PIK3AP1: variants seen among roughly 807,000 people sequenced by gnomAD.
PIK3AP1 encodes the protein phosphoinositide 3-kinase adapter protein 1.
In PIK3AP1, 21 loss-of-function variants were observed where a neutral mutation model predicts 88.1. The ratio of observed to expected loss-of-function variants is 0.24; its 90% CI spans 0.17 to 0.34. The LOEUF (loss-of-function observed/expected upper bound fraction) is 0.34, where lower values mean the gene tolerates loss of function less well. PIK3AP1 is among the 10% of genes least tolerant of loss of function. The probability of loss-of-function intolerance (pLI) is 1.00; values close to 1 mark genes in which losing one functional copy is unlikely to be tolerated. For synonymous variants in PIK3AP1, 398 were observed against 400.0 expected (o/e 1.00, Z 0.06); for missense variants, 828 against 1,035.7 (o/e 0.80, Z 2.75).
intron 16 of PIK3AP1, among the ~76,000 whole-genome samples, chr10:96,601,802 T>A (rs537263295): frequency 6.6e-6 from 1 of 152,356 alleles, no homozygotes; most frequent in South Asian, 2.1e-4. Context: ...TTTAAAGTAT[T>A]TGCAACTAAA....
intron 1 of PIK3AP1, among the ~76,000 whole-genome samples, chr10:96,719,317 C>T (rs1306294979): frequency 1.3e-5 from 2 of 152,148 alleles, no homozygotes; most frequent in African/African-American, 2.4e-5. Flanking sequence ...CCAGTGTTTG[C>T]TCACCTCCTG....
intron 8 of PIK3AP1, among the ~76,000 whole-genome samples, chr10:96,636,496 A>C (rs918460254): frequency 1.3e-5 from 2 of 152,206 alleles, no homozygotes; most frequent in East Asian, 3.8e-4. Context: ...AGTGAACTAC[A>C]CAGAAAACTC....
intron 2 of PIK3AP1, among the ~76,000 whole-genome samples, chr10:96,692,884 T>A (rs1357393194): frequency 2.6e-5 from 4 of 152,246 alleles, no homozygotes; most frequent in Admixed American, 6.5e-5. Context: ...GTATTTACTA[T>A]GAAATTTTAA....
chr10:96,706,902 TCA>T (rs1479871488), intron 2 of PIK3AP1, among the ~76,000 whole-genome samples: 1 of 152,174 alleles, frequency 6.6e-6, no homozygotes, highest in Non-Finnish European at 1.5e-5. Context: ...ATCCCCAAAT[TCA>T]CAAACCTAAT....
chr10:96,709,483 G>A (rs1049684294), intron 2 of PIK3AP1, 84 bp downstream of exon 2: 3 of 1,450,202 alleles, frequency 2.1e-6, no homozygotes, highest in East Asian at 2.3e-5. Context: ...TGAGATCCCC[G>A]CTCATTTTGG....
At chr10:96,695,559 A>T (rs537075770) in intron 2 of PIK3AP1, among the ~76,000 whole-genome samples, 1 of 152,350 alleles carries the variant, frequency 6.6e-6, no homozygotes, top group Non-Finnish European at 1.5e-5. Flanking sequence ...AAATAGGCAT[A>T]TTCAACCAGC....
At chr10:96,677,602 CA>C in intron 2 of PIK3AP1, among the ~76,000 whole-genome samples, 1 of 151,660 alleles carries the variant, frequency 6.6e-6, no homozygotes, top group African/African-American at 2.4e-5. Context: ...CACACACACA[CA>C]CACACACACA....
intron 2 of PIK3AP1, among the ~76,000 whole-genome samples, chr10:96,666,408 G>A (rs1307616414): frequency 6.6e-6 from 1 of 152,032 alleles, no homozygotes. Context: ...AACAGAGTGA[G>A]ACTCCATCTC....
intron 8 of PIK3AP1, among the ~76,000 whole-genome samples, chr10:96,628,873 CACATATATATAT>C (rs1843190629): frequency 1.3e-4 from 3 of 22,532 alleles, no homozygotes; most frequent in Non-Finnish European, 6.0e-4. Context: ...CACATATATA[CACATATATATAT>C]ATACATATAT....
At chr10:96,656,029 T>C (rs1843610003) in intron 3 of PIK3AP1, among the ~76,000 whole-genome samples, 1 of 152,016 alleles carries the variant, frequency 6.6e-6, no homozygotes, top group African/African-American at 2.4e-5. Flanking sequence ...CCCACAAGGG[T>C]GAGGAAGCCA....
At chr10:96,694,147 G>C (rs1196870117) in intron 2 of PIK3AP1, among the ~76,000 whole-genome samples, 3 of 152,114 alleles carry the variant, frequency 2.0e-5, no homozygotes, top group Non-Finnish European at 4.4e-5. Context: ...GATTCAAAGG[G>C]AGCATCCTTC....
intron 16 of PIK3AP1, among the ~76,000 whole-genome samples, chr10:96,597,202 G>A (rs920133758): frequency 2.0e-5 from 3 of 152,058 alleles, no homozygotes; most frequent in Non-Finnish European, 4.4e-5. Flanking sequence ...CAAAGGGCAT[G>A]ATACCACTTT....
chr10:96,633,193 G>A (rs981602086), intron 8 of PIK3AP1: 1 of 1,027,956 alleles, frequency 9.7e-7, no homozygotes, highest in Non-Finnish European at 1.4e-6. Flanking sequence ...TCTAGTTCCT[G>A]TACAGATCCT....
chr10:96,686,857 A>G (rs933902073), intron 2 of PIK3AP1, among the ~76,000 whole-genome samples: 2 of 152,048 alleles, frequency 1.3e-5, no homozygotes, highest in African/African-American at 4.8e-5. Context: ...GGATCCCACA[A>G]TGGCCCACTC....
At chr10:96,712,342 G>A (rs542216916) in intron 1 of PIK3AP1, among the ~76,000 whole-genome samples, 7 of 152,120 alleles carry the variant, frequency 4.6e-5, no homozygotes, top group Admixed American at 2.6e-4. Context: ...TTCTGATCAC[G>A]GTCTGTTCCC....
At chr10:96,610,953 C>A (rs142701757) in intron 13 of PIK3AP1, among the ~76,000 whole-genome samples, 2 of 152,094 alleles carry the variant, frequency 1.3e-5, no homozygotes, top group African/African-American at 4.8e-5. Context: ...GCTTTGGGGA[C>A]GAGTGCTTTT....
In PIK3AP1 at chr10:96,595,418, C is replaced by T. The variant is rs956667450; in HGVS notation, c.*159G>A. 6 of 756,474 alleles carry T rather than the reference C, an allele frequency of 7.9e-6. No homozygotes were observed. Among genetic ancestry groups the T allele is most frequent in the Middle Eastern group, 2.5e-4 (1 of 4,022 alleles). The allele number at this position is 756,474 out of a possible 1,614,324, so 46.9% of individuals were successfully genotyped here. On this transcript the variant is annotated 3_prime_UTR_variant, in exon 17 of 17. Transcript: ENST00000339364. Reference sequence around the variant, plus strand: ...CTTCTTCGTGCCTTAATAAAATCTTCGAGGCAAGCCCAAACCAGCAGGGCT... The same window carrying T: ...CTTCTTCGTGCCTTAATAAAATCTTTGAGGCAAGCCCAAACCAGCAGGGCT...
intron 2 of PIK3AP1, among the ~76,000 whole-genome samples, chr10:96,660,173 A>G (rs1397182256): frequency 3.9e-5 from 6 of 152,156 alleles, no homozygotes; most frequent in Non-Finnish European, 8.8e-5. Flanking sequence ...AAGAATGCAG[A>G]GATAAGCGAT....
At chr10:96,682,017 G>GT (rs1844009496) in intron 2 of PIK3AP1, among the ~76,000 whole-genome samples, 6 of 129,528 alleles carry the variant, frequency 4.6e-5, no homozygotes, top group Middle Eastern at 3.9e-3. Flanking sequence ...TATATATAGA[G>GT]AGAGAGAGAG....
Sources: gnomAD v4.1 joint callset for allele counts (sites outside exome capture counted in the v4.1 genomes callset) on GRCh38, gnomAD v4.1.1 for gene constraint, MANE v1.5 for transcripts, NCBI Gene and HGNC (gene_info 2026-07-23, HGNC 2026-07-21) for gene names.